The following KCNIP4 variants were observed in gnomAD, a reference collection of about 807,000 sequenced individuals.
KCNIP4 encodes the protein Kv channel-interacting protein 4.
KCNIP4 carries 12 observed loss-of-function variants against 34.0 expected under a neutral mutation model. That is an observed-to-expected ratio of 0.35 (90% confidence interval 0.23 to 0.57). The LOEUF is 0.57. KCNIP4 is among the 20% of genes least tolerant of loss of function. KCNIP4 has a pLI of 0.83. For missense variants in KCNIP4, 238 were observed against 311.7 expected (o/e 0.76, Z 1.78); for synonymous variants, 124 against 102.2 (o/e 1.21, Z -1.29).
At chr4:21,158,083 T>TA (rs1753283620) in intron 1 of KCNIP4, among the ~76,000 whole-genome samples, 1 of 151,752 alleles carries the variant, frequency 6.6e-6, no homozygotes, top group African/African-American at 2.4e-5. Context: ...TCATGAAAGA[T>TA]AAAAACAACC....
At chr4:21,869,635 T>G (rs1725642097) in intron 1 of KCNIP4, among the ~76,000 whole-genome samples, 1 of 151,930 alleles carries the variant, frequency 6.6e-6, no homozygotes, top group Admixed American at 6.6e-5. Flanking sequence ...CTCTCTTATG[T>G]TTTCACTTTT....
At chr4:21,507,545 C>T (rs551197881) in intron 1 of KCNIP4, among the ~76,000 whole-genome samples, 1 of 152,260 alleles carries the variant, frequency 6.6e-6, no homozygotes. Flanking sequence ...GCATGAGCCA[C>T]TGCACCAGGC....
At chr4:20,792,568 A>G (rs1186434998) in intron 3 of KCNIP4, among the ~76,000 whole-genome samples, 1 of 152,176 alleles carries the variant, frequency 6.6e-6, no homozygotes, top group Non-Finnish European at 1.5e-5. Flanking sequence ...ATAGAGATAA[A>G]AATATGTTAA....
intron 1 of KCNIP4, among the ~76,000 whole-genome samples, chr4:20,905,512 T>TC (rs936961120): frequency 7.8e-4 from 74 of 94,446 alleles, no homozygotes; most frequent in Non-Finnish European, 1.0e-3. Context: ...TTTCTTTCTT[T>TC]TTTTTTTTTT....
Position 21,684,298 on chromosome 4 carries a change from T to G in KCNIP4, c.61+264273A>C, listed in dbSNP as rs557996599. 4.6e-5 allele frequency among the ~76,000 whole-genome samples: 7 copies of G among 152,340 alleles called. No individual in the cohort carries two copies. In the South Asian group the frequency reaches 1.5e-3, roughly 32 times the overall value. On this transcript the variant is annotated intron_variant, in intron 1 of 8. Transcript: ENST00000382152. ...TGACTACTTTTCTTATTCTAAATTC[T>G]GAGAGGGTAGTCTTTGTGCATTGGT...
intron 1 of KCNIP4, among the ~76,000 whole-genome samples, chr4:21,618,414 T>A (rs1744747649): frequency 6.6e-6 from 1 of 151,962 alleles, no homozygotes; most frequent in African/African-American, 2.4e-5. Flanking sequence ...TAATGAAAAT[T>A]TAGGAACCAT....
At chr4:21,319,999 G>A (rs138597935) in intron 1 of KCNIP4, among the ~76,000 whole-genome samples, 87 of 152,268 alleles carry the variant, frequency 5.7e-4, no homozygotes, top group African/African-American at 1.9e-3. Context: ...ATATGTTCCT[G>A]GTTATGATAA....
At chr4:21,474,876 C>A (rs1235742535) in intron 1 of KCNIP4, among the ~76,000 whole-genome samples, 2 of 151,454 alleles carry the variant, frequency 1.3e-5, no homozygotes, top group Non-Finnish European at 2.9e-5. Context: ...TAGCAGGCGC[C>A]TGTAATATCA....
At chr4:21,269,041 G>T (rs1165666364) in intron 1 of KCNIP4, among the ~76,000 whole-genome samples, 1 of 152,208 alleles carries the variant, frequency 6.6e-6, no homozygotes, top group Admixed American at 6.5e-5. Flanking sequence ...AAGGGGTTAA[G>T]CCAGAACAGT....
At chr4:20,943,782 G>A (rs1731903910) in intron 1 of KCNIP4, among the ~76,000 whole-genome samples, 1 of 152,090 alleles carries the variant, frequency 6.6e-6, no homozygotes, top group African/African-American at 2.4e-5. Flanking sequence ...TTTGTAATCA[G>A]GGCTAAGCAT....
chr4:20,751,189 C>T (rs909923722), intron 4 of KCNIP4, among the ~76,000 whole-genome samples: 1 of 152,186 alleles, frequency 6.6e-6, no homozygotes, highest in Non-Finnish European at 1.5e-5. Context: ...TGAAGAACTA[C>T]TTATCTTTGA....
intron 1 of KCNIP4, among the ~76,000 whole-genome samples, chr4:21,861,450 G>A (rs187935513): frequency 1.6e-4 from 24 of 152,156 alleles, no homozygotes; most frequent in African/African-American, 2.4e-4. Flanking sequence ...TCAGGAGTTC[G>A]AAACCTGCCT....
At chr4:20,846,571 A>G (rs1236779728) in intron 3 of KCNIP4, among the ~76,000 whole-genome samples, 3 of 152,154 alleles carry the variant, frequency 2.0e-5, no homozygotes, top group Non-Finnish European at 4.4e-5. Context: ...TCAGATTAAA[A>G]AAAAGAAGAA....
At chr4:21,200,326 G>A (rs1417816422) in intron 1 of KCNIP4, among the ~76,000 whole-genome samples, 19 of 52,564 alleles carry the variant, frequency 3.6e-4, no homozygotes, top group African/African-American at 2.6e-3. Context: ...ATATATGTGT[G>A]TATATATATA....
intron 1 of KCNIP4, among the ~76,000 whole-genome samples, chr4:21,941,928 C>T (rs539042477): frequency 6.6e-6 from 1 of 152,186 alleles, no homozygotes; most frequent in African/African-American, 2.4e-5. Context: ...ACAGTCACCC[C>T]TTTTTCAGGT....
chr4:20,917,483 C>T (rs575660847), intron 1 of KCNIP4, among the ~76,000 whole-genome samples: 3 of 152,280 alleles, frequency 2.0e-5, no homozygotes, highest in East Asian at 1.9e-4. Flanking sequence ...CAAGACCAGA[C>T]GTGGTCCTGC....
At chr4:20,808,406 A>G (rs988939689) in intron 3 of KCNIP4, among the ~76,000 whole-genome samples, 4 of 152,202 alleles carry the variant, frequency 2.6e-5, no homozygotes, top group South Asian at 2.1e-4. Context: ...AGGTGCTGAG[A>G]TGTAATCTGT....
At chr4:20,838,253 A>G (rs1389678641) in intron 3 of KCNIP4, among the ~76,000 whole-genome samples, 1 of 152,066 alleles carries the variant, frequency 6.6e-6, no homozygotes, top group Admixed American at 6.6e-5. Flanking sequence ...TCTTAGTACT[A>G]TTTCTAAATG....
At chr4:21,873,253 A>G (rs1725914526) in intron 1 of KCNIP4, among the ~76,000 whole-genome samples, 1 of 152,206 alleles carries the variant, frequency 6.6e-6, no homozygotes, top group Non-Finnish European at 1.5e-5. Context: ...TGTAGTAAAA[A>G]GGTTTCCTCT....
Sources: gnomAD v4.1 joint callset for allele counts (sites outside exome capture counted in the v4.1 genomes callset) on GRCh38, gnomAD v4.1.1 for gene constraint, MANE v1.5 for transcripts, NCBI Gene and HGNC (gene_info 2026-07-23, HGNC 2026-07-21) for gene names.